Variants in NUCB2 observed in about 807,000 individuals in gnomAD.
The protein encoded by NUCB2 is nucleobindin-2.
Under a neutral mutation model 57.9 loss-of-function variants are expected in NUCB2, and 48 were observed. The ratio of observed to expected loss-of-function variants is 0.83; its 90% confidence interval spans 0.66 to 1.05. The LOEUF (loss-of-function observed/expected upper bound fraction) is 1.05, where lower values mean the gene tolerates loss of function less well. Among genes scored for constraint, NUCB2 ranks in the 50% least tolerant of loss-of-function variants. The pLI is 0.00. For missense variants in NUCB2, 442 were observed against 476.2 expected, an observed-to-expected ratio of 0.93 and a Z score of 0.67; for synonymous variants, 139 against 152.1, an observed-to-expected ratio of 0.91 and a Z score of 0.64.
At chr11:17,280,809 G>A (rs575778214) in intron 1 of NUCB2, among the ~76,000 whole-genome samples, 5 of 152,296 alleles carry the variant, frequency 3.3e-5, no homozygotes, top group South Asian at 4.1e-4. Flanking sequence ...GGAGGCTAAG[G>A]TGAGCAGATC....
chr11:17,311,196 A>C lies in NUCB2; in HGVS notation c.673A>C (p.Ser225Arg). The change falls in exon 8 of 14, where the codon AGC becomes CGC. Residue 225 changes from serine (S) to arginine (R), a missense_variant. Transcript: ENST00000529010. ...ENHPKVNHPG[S>R]KDQLKEVWEE... ...ATTTTTTAAAATTGGTTCACAGGGA[A>C]GCAAAGATCAACTAAAAGAGGTATG... The C allele has an allele frequency of 1.2e-6, 2 of 1,601,456 alleles. No homozygotes were observed. Among genetic ancestry groups the C allele is most frequent in the Non-Finnish European group, 1.7e-6 (2 of 1,176,110 alleles).
chr11:17,288,332 G>A (rs924915181), intron 2 of NUCB2, among the ~76,000 whole-genome samples: 3 of 151,740 alleles, frequency 2.0e-5, no homozygotes, highest in East Asian at 1.9e-4. Context: ...TCTTAATATC[G>A]ATGGAATCTT....
At chr11:17,287,321 G>T (rs1280404458) in intron 2 of NUCB2, among the ~76,000 whole-genome samples, 3 of 151,914 alleles carry the variant, frequency 2.0e-5, no homozygotes, top group Non-Finnish European at 4.4e-5. Context: ...GGCAGAATGA[G>T]AACCTGTCTC....
rs1948440835 is a variant in NUCB2 at position 17,311,211 on chromosome 11, A to C, written c.688A>C (p.Lys230Gln). The C allele has an allele frequency of 6.2e-7, 1 of 1,603,746 alleles. No individual in the cohort carries two copies. Among genetic ancestry groups the C allele is most frequent in the Non-Finnish European group, 8.5e-7 (1 of 1,177,466 alleles). ...TTCACAGGGAAGCAAAGATCAACTAAAAGAGGTATGGGAAGAGACTGATGG... is the reference window on the plus strand; with the variant it reads ...TTCACAGGGAAGCAAAGATCAACTACAAGAGGTATGGGAAGAGACTGATGG... ...VNHPGSKDQLKEVWEETDGLD... is the reference protein window; with the variant it reads ...VNHPGSKDQLQEVWEETDGLD... The change falls in exon 8 of 14, where the codon AAA becomes CAA. Residue 230 changes from lysine (K) to glutamine (Q), a missense_variant. Lys to Gln is a moderately conservative substitution (Grantham distance 53). Coordinates refer to ENST00000529010, the MANE Select transcript of NUCB2 (RefSeq NM_005013.4).
At chr11:17,282,743 A>AT (rs1004233091) in intron 1 of NUCB2, 46 bp from the exon 2 acceptor site, 1 of 152,014 alleles carries the variant, frequency 6.6e-6, no homozygotes, top group African/African-American at 2.4e-5. Flanking sequence ...AAATTTTGTG[A>AT]TTTTGTGTCT....
chr11:17,283,676 C>T (rs1943120993), intron 2 of NUCB2: 1 of 152,120 alleles, frequency 6.6e-6, no homozygotes, highest in African/African-American at 2.4e-5. Context: ...CATAAATGCT[C>T]AATAGATGTT....
intron 4 of NUCB2, among the ~76,000 whole-genome samples, chr11:17,297,841 T>C (rs1170656853): frequency 1.3e-5 from 2 of 152,016 alleles, no homozygotes; most frequent in African/African-American, 2.4e-5. Flanking sequence ...CTCAGCACTT[T>C]GGGAGGCTGA....
chr11:17,346,445 G>A (rs1318130803), intron 2 of NUCB2, among the ~76,000 whole-genome samples: 1 of 148,864 alleles, frequency 6.7e-6, no homozygotes, highest in Non-Finnish European at 1.5e-5. Flanking sequence ...AAACCTGGCT[G>A]ATGTTATGAA....
intron 5 of NUCB2, among the ~76,000 whole-genome samples, chr11:17,306,856 G>A (rs938106944): frequency 1.5e-4 from 22 of 150,954 alleles, no homozygotes; most frequent in Middle Eastern, 3.2e-3. Context: ...AGGTTGCAGT[G>A]AGCCGAGATC....
intron 10 of NUCB2, 27 bp from the exon 11 acceptor site, chr11:17,315,359 A>G: frequency 1.6e-6 from 2 of 1,277,992 alleles, no homozygotes; most frequent in South Asian, 1.3e-5. Flanking sequence ...TTTACTTTAT[A>G]TTATGTATAC....
intron 4 of NUCB2, among the ~76,000 whole-genome samples, chr11:17,299,061 A>G (rs1002233100): frequency 6.6e-6 from 1 of 152,152 alleles, no homozygotes; most frequent in African/African-American, 2.4e-5. Flanking sequence ...TCACTTCCCA[A>G]ACATTCCCTA....
At chr11:17,286,292 C>T (rs941592787) in intron 2 of NUCB2, among the ~76,000 whole-genome samples, 1 of 152,210 alleles carries the variant, frequency 6.6e-6, no homozygotes, top group Admixed American at 6.5e-5. Context: ...CCTCCTTGTC[C>T]TCACAAAGTG....
intron 11 of NUCB2, among the ~76,000 whole-genome samples, chr11:17,323,967 C>G (rs1950343228): frequency 6.6e-6 from 1 of 152,056 alleles, no homozygotes; most frequent in African/African-American, 2.4e-5. Flanking sequence ...CTCTTTGTCT[C>G]TTAGTATGGC....
chr11:17,347,596 T>C (rs1221470535), intron 2 of NUCB2, among the ~76,000 whole-genome samples: 1 of 152,224 alleles, frequency 6.6e-6, no homozygotes, highest in African/African-American at 2.4e-5. Context: ...TTTAACATTG[T>C]TACAATACTA....
chr11:17,288,552 C>CTTTTTTTTTTTTTTTTTTTT (rs1362783048), intron 2 of NUCB2, among the ~76,000 whole-genome samples: 12 of 101,190 alleles, frequency 1.2e-4, no homozygotes, highest in African/African-American at 2.6e-4. Context: ...TCTTCTTCTT[C>CTTTTTTTTTTTTTTTTTTTT]TTTTTTTTTT....
At chr11:17,284,051 C>T (rs892855121) in intron 2 of NUCB2, among the ~76,000 whole-genome samples, 1 of 151,896 alleles carries the variant, frequency 6.6e-6, no homozygotes, top group Non-Finnish European at 1.5e-5. Context: ...TTTGTTGAGA[C>T]GGAGTCTCAC....
At chr11:17,336,772 A>T (rs1184324861), downstream of NUCB2, among the ~76,000 whole-genome samples, 2 of 150,596 alleles carry the variant, frequency 1.3e-5, no homozygotes, top group Non-Finnish European at 3.0e-5. Flanking sequence ...AAAAAAAAAA[A>T]AAAAAAAAAA....
intron 5 of NUCB2, among the ~76,000 whole-genome samples, chr11:17,304,622 GA>G (rs1329436835): frequency 7.9e-5 from 12 of 152,028 alleles, no homozygotes; most frequent in Non-Finnish European, 1.8e-4. Flanking sequence ...ATAATTAATG[GA>G]AAAAATTACT....
chr11:17,326,739 T>C (rs1233887054), intron 11 of NUCB2, among the ~76,000 whole-genome samples: 1 of 152,244 alleles, frequency 6.6e-6, no homozygotes, highest in Non-Finnish European at 1.5e-5. Flanking sequence ...GAGAAGTTTA[T>C]ATACGACAAT....
Sources: gnomAD v4.1 joint callset for allele counts (sites outside exome capture counted in the v4.1 genomes callset) on GRCh38, gnomAD v4.1.1 for gene constraint, MANE v1.5 for transcripts, NCBI Gene and HGNC (gene_info 2026-07-23, HGNC 2026-07-21) for gene names.